PDZD2: variants seen among roughly 807,000 people sequenced by gnomAD.
PDZD2 encodes the protein PDZ domain containing 2, also known as PDZ domain-containing protein 2.
In PDZD2, 90 loss-of-function variants were observed where a neutral mutation model predicts 220.7. The observed-to-expected ratio is 0.41, with a 90% CI of 0.34 to 0.49. PDZD2 has a LOEUF of 0.49. Ranked by LOEUF, PDZD2 falls within the 20% of genes least tolerant of loss-of-function variation. The pLI is 0.28. For missense variants in PDZD2, 3,174 were observed against 3,608.5 expected (o/e 0.88, Z 3.08); for synonymous variants, 1,375 against 1,450.5 (o/e 0.95, Z 1.18).
intron 1 of PDZD2, among the ~76,000 whole-genome samples, chr5:31,695,737 G>T (rs1219681888): frequency 6.6e-6 from 1 of 152,120 alleles, no homozygotes; most frequent in Non-Finnish European, 1.5e-5. Context: ...TTTTATTTGG[G>T]TGTAATAAAG....
At chr5:31,878,591 T>C (rs1345646742) in intron 2 of PDZD2, among the ~76,000 whole-genome samples, 1 of 121,994 alleles carries the variant, frequency 8.2e-6, no homozygotes, top group Non-Finnish European at 1.7e-5. Flanking sequence ...AGACGGAGTC[T>C]CGCTGTCGCC....
chr5:31,708,003 G>T (rs1226794343), intron 1 of PDZD2, among the ~76,000 whole-genome samples: 1 of 152,078 alleles, frequency 6.6e-6, no homozygotes, highest in Non-Finnish European at 1.5e-5. Context: ...ATATATGAGA[G>T]CTGTCTTACT....
At chr5:31,895,673 A>G (rs1350127980) in intron 2 of PDZD2, among the ~76,000 whole-genome samples, 2 of 152,180 alleles carry the variant, frequency 1.3e-5, no homozygotes, top group East Asian at 1.9e-4. Context: ...AGAGCCTTAC[A>G]TGAACATATT....
chr5:32,077,350 A>C, intron 18 of PDZD2, 112 bp from the exon 19 acceptor site: 7 of 1,004,142 alleles, frequency 7.0e-6, no homozygotes, highest in Non-Finnish European at 1.1e-5. Context: ...CTCCTAGTCC[A>C]GGGCCCCTTT....
chr5:31,860,926 A>G (rs1737644661), intron 2 of PDZD2, among the ~76,000 whole-genome samples: 1 of 152,166 alleles, frequency 6.6e-6, no homozygotes, highest in African/African-American at 2.4e-5. Context: ...TCAGGTGGAC[A>G]TGGAAGCATT....
intron 1 of PDZD2, among the ~76,000 whole-genome samples, chr5:31,698,204 C>A (rs1747458061): frequency 1.3e-5 from 2 of 150,430 alleles, no homozygotes; most frequent in Admixed American, 1.3e-4. Flanking sequence ...GCACCCGGCC[C>A]CTTCCTTATT....
At chr5:32,091,579 G>A (rs189637595) in intron 20 of PDZD2, among the ~76,000 whole-genome samples, 4 of 152,128 alleles carry the variant, frequency 2.6e-5, no homozygotes, top group Admixed American at 2.0e-4. Flanking sequence ...CACTGCACCC[G>A]GCCACTTCTT....
rs1561456848 is a variant in PDZD2, at chr5:32,052,620, A to G, written c.1675A>G (p.Ile559Val). Residue 559 changes from isoleucine (I) to valine (V), a missense_variant, in exon 9 of 25, where the codon ATT becomes GTT. Ile to Val is a conservative substitution (Grantham distance 29). This residue lies in a region of PDZD2 where 50 missense variants were observed against 109.5 expected (regional missense o/e 0.46). Coordinates refer to ENST00000438447, the MANE Select transcript of PDZD2 (RefSeq NM_178140.4). ...DSSSASQEYHIVKKSTRSLST... is the reference protein window; with the variant it reads ...DSSSASQEYHVVKKSTRSLST... ...GTGTGCTGACTTTTAGGAATACCAC[A>G]TTGTGAAGAAGTCTACCCGCTCCTT... 6.2e-7 allele frequency: 1 copy of G among 1,613,648 alleles called. No homozygotes were observed. Among genetic ancestry groups the G allele is most frequent in the Non-Finnish European group, 8.5e-7 (1 of 1,179,674 alleles).
At chr5:31,807,537 C>G (rs1229025214) in intron 2 of PDZD2, among the ~76,000 whole-genome samples, 1 of 152,186 alleles carries the variant, frequency 6.6e-6, no homozygotes, top group Non-Finnish European at 1.5e-5. Context: ...TGAGAAAAGC[C>G]CTTTGAGTTT....
chr5:31,908,351 G>A (rs1742865572), intron 2 of PDZD2: 2 of 283,164 alleles, frequency 7.1e-6, no homozygotes, highest in Non-Finnish European at 1.3e-5. Context: ...AGCTGCCATC[G>A]GCCGCCATCA....
At chr5:32,101,072 T>C (rs1456714843) in intron 23 of PDZD2, 33 bp from the exon 24 acceptor site, 3 of 1,613,732 alleles carry the variant, frequency 1.9e-6, no homozygotes, top group Non-Finnish European at 2.5e-6. Flanking sequence ...AACAACCCTG[T>C]CATTTTCATC....
chr5:31,855,574 A>C (rs1015916497), intron 2 of PDZD2, among the ~76,000 whole-genome samples: 1 of 152,218 alleles, frequency 6.6e-6, no homozygotes, highest in African/African-American at 2.4e-5. Flanking sequence ...GCATGGCAGC[A>C]GCCCGGGAAA....
Position 31,881,566 on chromosome 5 carries a change from C to T in PDZD2, c.476+81842C>T, listed in dbSNP as rs574651455. Among the ~76,000 whole-genome samples, 192 of 151,148 alleles carry T rather than the reference C, an allele frequency of 1.3e-3. 1 individual carries two copies. Among genetic ancestry groups the T allele is most frequent in the African/African-American group, 4.5e-3 (187 of 41,140 alleles). ...CAAATTTTATTGTATTTAGTAGAGA[C>T]GGGGTTTCACCATGTTGGCCAGACT... On this transcript the variant is annotated intron_variant, in intron 2 of 24. Transcript: ENST00000438447.
intron 6 of PDZD2, among the ~76,000 whole-genome samples, chr5:32,020,797 A>G (rs1754137844): frequency 6.6e-6 from 1 of 151,838 alleles, no homozygotes; most frequent in South Asian, 2.1e-4. Context: ...GGTGCACACC[A>G]CCATTCCTGG....
intron 1 of PDZD2, among the ~76,000 whole-genome samples, chr5:31,664,671 G>A (rs1242323295): frequency 6.6e-6 from 1 of 152,180 alleles, no homozygotes; most frequent in African/African-American, 2.4e-5. Flanking sequence ...GTCATACAGA[G>A]CCGAAAACCA....
chr5:31,997,524 A>T (rs1487506693), intron 4 of PDZD2, among the ~76,000 whole-genome samples: 2 of 152,226 alleles, frequency 1.3e-5, no homozygotes, highest in Non-Finnish European at 2.9e-5. Context: ...AACTTCCAAA[A>T]TGACATATGT....
At chr5:32,003,046 T>TCCTCC in intron 5 of PDZD2, among the ~76,000 whole-genome samples, 1 of 71,228 alleles carries the variant, frequency 1.4e-5, no homozygotes, top group Non-Finnish European at 2.6e-5. Context: ...ATACACACAC[T>TCCTCC]ACACACACCA....
At chr5:31,801,656 T>C (rs1221007906) in intron 2 of PDZD2, among the ~76,000 whole-genome samples, 1 of 152,208 alleles carries the variant, frequency 6.6e-6, no homozygotes, top group Non-Finnish European at 1.5e-5. Context: ...GGGTTCCCTT[T>C]ACTAGCTGGT....
chr5:31,869,393 T>C (rs1738538207), intron 2 of PDZD2, among the ~76,000 whole-genome samples: 1 of 151,940 alleles, frequency 6.6e-6, no homozygotes, highest in Non-Finnish European at 1.5e-5. Context: ...GGAACAGAAA[T>C]GTATTGGCTG....
Sources: allele counts gnomAD v4.1 joint callset (sites outside exome capture counted in the v4.1 genomes callset), GRCh38; gene constraint gnomAD v4.1.1; regional missense constraint gnomAD v4.1.1; transcripts MANE v1.5; gene names NCBI Gene and HGNC (gene_info 2026-07-23, HGNC 2026-07-21).